The following GUCY1A2 variants were observed in gnomAD, a reference collection of about 807,000 sequenced individuals.
GUCY1A2 encodes the protein guanylate cyclase 1 soluble subunit alpha 2.
A neutral mutation model predicts 63.5 loss-of-function variants in GUCY1A2; 27 were observed. That is an observed-to-expected ratio of 0.43 (90% CI 0.31 to 0.59). The LOEUF is 0.59. Ranked by LOEUF, GUCY1A2 falls within the 20% of genes least tolerant of loss-of-function variation. GUCY1A2 has a pLI of 0.11. For synonymous variants in GUCY1A2, 364 were observed against 343.5 expected (o/e 1.06, Z -0.66); for missense variants, 768 against 913.3 (o/e 0.84, Z 2.05).
In GUCY1A2 at chr11:106,822,141, C is replaced by G. The variant is rs540586553; in HGVS notation, c.1207-11663G>C. ...GGAATTTTCTAAAGGAATAATAGAA[C>G]AGTTGCTTAGTCTATGGCTAAAGAA... On this transcript the variant is annotated intron_variant, in intron 4 of 7. Transcript: ENST00000526355. Among the ~76,000 whole-genome samples, 3 of 152,186 alleles carry G rather than the reference C, an allele frequency of 2.0e-5. No individual in the cohort carries two copies. The South Asian group carries it at 6.2e-4, about 32-fold the overall frequency.
intron 1 of GUCY1A2, among the ~76,000 whole-genome samples, chr11:107,008,116 T>A (rs1467356459): frequency 3.4e-5 from 5 of 149,070 alleles, no homozygotes; most frequent in African/African-American, 1.2e-4. Flanking sequence ...AAACCCCTAA[T>A]AAACATACAA....
chr11:106,950,638 A>T (rs1204805253), intron 3 of GUCY1A2, among the ~76,000 whole-genome samples: 1 of 152,200 alleles, frequency 6.6e-6, no homozygotes, highest in African/African-American at 2.4e-5. Context: ...GCTTTTGCTG[A>T]TGATGACTAG....
chr11:107,006,234 T>C (rs1861669769), intron 1 of GUCY1A2, among the ~76,000 whole-genome samples: 1 of 152,178 alleles, frequency 6.6e-6, no homozygotes, highest in African/African-American at 2.4e-5. Flanking sequence ...AAGAAAGAAG[T>C]GAAGCAGAAC....
intron 3 of GUCY1A2, among the ~76,000 whole-genome samples, chr11:106,975,733 GA>G (rs1272771537): frequency 6.6e-6 from 1 of 152,160 alleles, no homozygotes; most frequent in African/African-American, 2.4e-5. Flanking sequence ...TTGATATCTG[GA>G]AGCAGTTCTT....
intron 4 of GUCY1A2, chr11:106,826,940 C>G: frequency 6.2e-7 from 1 of 1,610,472 alleles, no homozygotes; most frequent in Non-Finnish European, 8.5e-7. Flanking sequence ...TTCGGTGTAA[C>G]TCCTGTAGCA....
chr11:107,017,435 T>A (rs1270268075), intron 1 of GUCY1A2, among the ~76,000 whole-genome samples: 1 of 152,038 alleles, frequency 6.6e-6, no homozygotes, highest in Admixed American at 6.5e-5. Context: ...CAGGTGGGTG[T>A]GAAGCAGCAC....
chr11:106,797,001 T>C (rs1223602330), intron 5 of GUCY1A2, among the ~76,000 whole-genome samples: 1 of 152,084 alleles, frequency 6.6e-6, no homozygotes, highest in Admixed American at 6.6e-5. Flanking sequence ...TCTAAACTTC[T>C]CTTCTCGCTT....
intron 6 of GUCY1A2, among the ~76,000 whole-genome samples, chr11:106,709,782 T>C (rs968427097): frequency 7.1e-6 from 1 of 140,918 alleles, no homozygotes; most frequent in African/African-American, 2.6e-5. Context: ...ATAGAATATA[T>C]AGTTATATAT....
intron 4 of GUCY1A2, among the ~76,000 whole-genome samples, chr11:106,923,251 C>T (rs1377216551): frequency 6.6e-6 from 1 of 152,140 alleles, no homozygotes; most frequent in Non-Finnish European, 1.5e-5. Context: ...AAGCAGTGCC[C>T]TTTAAAATGC....
chr11:106,734,969 ATTTTC>A (rs1863563955), intron 6 of GUCY1A2, among the ~76,000 whole-genome samples: 1 of 151,892 alleles, frequency 6.6e-6, no homozygotes, highest in African/African-American at 2.4e-5. Context: ...CTCTCCTAGT[ATTTTC>A]TTTTAATTTT....
At chr11:106,852,267 A>G (rs990327335) in intron 4 of GUCY1A2, among the ~76,000 whole-genome samples, 2 of 151,928 alleles carry the variant, frequency 1.3e-5, no homozygotes, top group Non-Finnish European at 2.9e-5. Flanking sequence ...AAGAGGGAAA[A>G]TTTGACTTCC....
rs190809746 is a variant in GUCY1A2 at position 106,978,811 on chromosome 11, C to T, written c.366-71G>A. On this transcript the variant is annotated intron_variant, in intron 2 of 7. Transcript: ENST00000526355. ...TCTGCGAATGCAACTCATATACACACGCACAAGCACACGCAGTCTATGCTT... is the reference window on the plus strand; with the variant it reads ...TCTGCGAATGCAACTCATATACACATGCACAAGCACACGCAGTCTATGCTT... 15 of 952,126 alleles carry T rather than the reference C, an allele frequency of 1.6e-5. 1 individual carries two copies. The highest frequency in any genetic ancestry group is 9.1e-5 in the South Asian group (6 of 65,620). The allele number at this position is 952,126 out of a possible 1,614,324, so 59.0% of individuals were successfully genotyped here. A position where few individuals can be genotyped will look rare whatever the true frequency, so the allele number is the denominator to read the frequency against.
chr11:106,764,896 T>C (rs753421524), intron 6 of GUCY1A2, among the ~76,000 whole-genome samples: 28 of 146,254 alleles, frequency 1.9e-4, no homozygotes, highest in Non-Finnish European at 3.3e-4. Context: ...CTTGATCAAA[T>C]TATATAAACT....
In GUCY1A2 at chr11:106,774,420, G is replaced by A. The variant is rs142132201; in HGVS notation, c.1836+2019C>T. Among the ~76,000 whole-genome samples, 1,182 of 152,114 alleles carry A rather than the reference G, an allele frequency of 7.8e-3. 12 individuals carry two copies. The highest frequency in any genetic ancestry group is 0.026 in the African/African-American group (1,092 of 41,510). ...GCTGGGATTACAGACGTAAGCCACC[G>A]TGCCCAGGCTGTCACTTTTATAATT... On this transcript the variant is annotated intron_variant, in intron 6 of 7. Transcript: ENST00000526355.
At chr11:106,931,899 C>T (rs773207862) in intron 4 of GUCY1A2, among the ~76,000 whole-genome samples, 14 of 151,990 alleles carry the variant, frequency 9.2e-5, no homozygotes, top group Non-Finnish European at 1.5e-4. Flanking sequence ...AAATTGTTGT[C>T]GTAGATGCAC....
At chr11:107,014,280 G>T (rs1472231115) in intron 1 of GUCY1A2, among the ~76,000 whole-genome samples, 1 of 151,578 alleles carries the variant, frequency 6.6e-6, no homozygotes, top group Non-Finnish European at 1.5e-5. Flanking sequence ...GTAGAGACGG[G>T]GTTTCACCAT....
intron 1 of GUCY1A2, among the ~76,000 whole-genome samples, chr11:107,012,174 TA>T (rs1312971235): frequency 6.6e-6 from 1 of 152,092 alleles, no homozygotes; most frequent in East Asian, 1.9e-4. Context: ...ACATGAGTCA[TA>T]CCCAGGGGCC....
chr11:106,967,085 G>C (rs1327678807), intron 3 of GUCY1A2, among the ~76,000 whole-genome samples: 1 of 152,130 alleles, frequency 6.6e-6, no homozygotes, highest in Non-Finnish European at 1.5e-5. Context: ...TGGCAATTGG[G>C]TATTTTCAGT....
At chr11:106,784,086 A>G (rs530071976) in intron 5 of GUCY1A2, among the ~76,000 whole-genome samples, 1 of 151,804 alleles carries the variant, frequency 6.6e-6, no homozygotes, top group Non-Finnish European at 1.5e-5. Context: ...CTCTACATGG[A>G]TATCACTTCA....
Sources: gnomAD v4.1 joint callset for allele counts (sites outside exome capture counted in the v4.1 genomes callset) on GRCh38, gnomAD v4.1.1 for gene constraint, MANE v1.5 for transcripts, NCBI Gene and HGNC (gene_info 2026-07-23, HGNC 2026-07-21) for gene names.